The following GLCE variants were observed in gnomAD, a reference collection of about 807,000 sequenced individuals.
GLCE encodes D-glucuronyl C5-epimerase.
GLCE carries 19 observed loss-of-function variants against 47.9 expected under a neutral mutation model. The observed-to-expected ratio is 0.40, with a 90% CI of 0.28 to 0.58. The LOEUF is 0.58. GLCE is among the 20% of genes least tolerant of loss of function. GLCE has a pLI of 0.48. For synonymous variants in GLCE, 245 were observed against 263.4 expected, an observed-to-expected ratio of 0.93 and a Z score of 0.68; for missense variants, 556 against 743.3, an observed-to-expected ratio of 0.75 and a Z score of 2.93.
intron 3 of GLCE, among the ~76,000 whole-genome samples, chr15:69,258,592 T>C (rs766752644): frequency 1.1e-4 from 16 of 152,162 alleles, no homozygotes; most frequent in Non-Finnish European, 2.2e-4. Context: ...TTATATTTAA[T>C]TTTTGTGGGT....
intron 1 of GLCE, among the ~76,000 whole-genome samples, chr15:69,192,697 A>G (rs1165992403): frequency 2.6e-5 from 4 of 152,082 alleles, no homozygotes; most frequent in Non-Finnish European, 5.9e-5. Flanking sequence ...ACTGTTACTT[A>G]CAGATAAGTT....
chr15:69,168,876 AATAT>A (rs2051544005), intron 1 of GLCE, among the ~76,000 whole-genome samples: 1 of 152,164 alleles, frequency 6.6e-6, no homozygotes, highest in East Asian at 1.9e-4. Flanking sequence ...TCGAAGAAAA[AATAT>A]ATACAATAAA....
intron 1 of GLCE, among the ~76,000 whole-genome samples, chr15:69,186,947 T>C (rs773441592): frequency 7.2e-5 from 11 of 152,188 alleles, no homozygotes; most frequent in Non-Finnish European, 1.5e-4. Flanking sequence ...TTGGTTGTTA[T>C]TACCAAAAGA....
chr15:69,260,949 A>G (rs1204382745), intron 3 of GLCE, 138 bp from the exon 4 acceptor site: 6 of 705,128 alleles, frequency 8.5e-6, no homozygotes, highest in African/African-American at 3.6e-5. Context: ...GGTCATTATG[A>G]GAGCAGTATT....
At chr15:69,172,329 T>C (rs79099679) in intron 1 of GLCE, among the ~76,000 whole-genome samples, 1,756 of 152,322 alleles carry the variant, frequency 0.012, 27 homozygotes, top group African/African-American at 0.038. Flanking sequence ...AAGAAGGCAC[T>C]GATCACTAGG....
intron 1 of GLCE, among the ~76,000 whole-genome samples, chr15:69,209,231 C>G (rs1323738989): frequency 1.3e-5 from 2 of 151,690 alleles, no homozygotes; most frequent in African/African-American, 2.4e-5. Context: ...TCTTTAATAT[C>G]TTAGATAATT....
chr15:69,201,295 A>G (rs1276378777), intron 1 of GLCE, among the ~76,000 whole-genome samples: 11 of 152,062 alleles, frequency 7.2e-5, no homozygotes, highest in African/African-American at 2.2e-4. Flanking sequence ...TCTGCCTGTC[A>G]AAGAGGGCTA....
rs191340509 is a variant in GLCE, at chr15:69,172,678, A to G, written c.-105+11921A>G. Among the ~76,000 whole-genome samples, 446 of 152,322 alleles carry G rather than the reference A, an allele frequency of 2.9e-3. 5 individuals are homozygous for G. The highest frequency in any genetic ancestry group is 9.8e-3 in the African/African-American group (408 of 41,576). ...GGTAGGTGGATTAGTAATTGCTTAA[A>G]TGGCCATATCCAGAGCTTGATGATT... On this transcript the variant is annotated intron_variant, in intron 1 of 4. Coordinates refer to ENST00000261858, the MANE Select transcript of GLCE (RefSeq NM_015554.3).
intron 1 of GLCE, among the ~76,000 whole-genome samples, chr15:69,186,943 G>A (rs1018997892): frequency 6.6e-6 from 1 of 151,956 alleles, no homozygotes; most frequent in Non-Finnish European, 1.5e-5. Context: ...AAGTTTGGTT[G>A]TTATTACCAA....
chr15:69,171,322 C>A (rs1349766811), intron 1 of GLCE, among the ~76,000 whole-genome samples: 1 of 151,632 alleles, frequency 6.6e-6, no homozygotes, highest in Admixed American at 6.6e-5. Flanking sequence ...GTTTGAGCAA[C>A]AAGAGTCAGA....
At chr15:69,196,478 G>A (rs1009904884) in intron 1 of GLCE, 2 of 171,412 alleles carry the variant, frequency 1.2e-5, no homozygotes, top group African/African-American at 4.8e-5. Flanking sequence ...GTTCAAAATG[G>A]GTCATAAAGC....
intron 1 of GLCE, among the ~76,000 whole-genome samples, chr15:69,169,843 G>A (rs543025393): frequency 6.6e-5 from 10 of 151,988 alleles, no homozygotes; most frequent in South Asian, 2.1e-4. Context: ...GAATAGTGCC[G>A]CAATAAACAT....
rs1391833478 is a variant in GLCE, at chr15:69,271,751, A to G, written c.*2507A>G. On this transcript the variant is annotated 3_prime_UTR_variant, in exon 5 of 5. Coordinates refer to ENST00000261858, the MANE Select transcript of GLCE (RefSeq NM_015554.3). ...AAAACCAGCCAAAAGTTTCTGGATGAAGGTCAAGTTTGACCTTTTAGGAGT... is the reference window on the plus strand; with the variant it reads ...AAAACCAGCCAAAAGTTTCTGGATGGAGGTCAAGTTTGACCTTTTAGGAGT... The G allele has an allele frequency of 1.3e-5, 2 of 152,582 alleles. No homozygotes were observed. Among genetic ancestry groups the G allele is most frequent in the African/African-American group, 2.4e-5 (1 of 41,450 alleles). The allele number at this position is 152,582 out of a possible 1,614,324, so 9.5% of individuals were successfully genotyped here. A position where few individuals can be genotyped will look rare whatever the true frequency, so the allele number is the denominator to read the frequency against.
chr15:69,196,788 A>C (rs568396731), intron 1 of GLCE: 1 of 164,878 alleles, frequency 6.1e-6, no homozygotes, highest in Non-Finnish European at 1.3e-5. Flanking sequence ...AGCTGACTGA[A>C]AATAAAAACA....
At chr15:69,185,966 C>T (rs2051816603) in intron 1 of GLCE, among the ~76,000 whole-genome samples, 1 of 152,028 alleles carries the variant, frequency 6.6e-6, no homozygotes, top group African/African-American at 2.4e-5. Context: ...TGGAGTGGTG[C>T]ACAGAACTCA....
At position 69,269,281 on chromosome 15, in the gene GLCE, A is replaced by T; in HGVS notation, c.*37A>T. On this transcript the variant is annotated 3_prime_UTR_variant, in exon 5 of 5. Coordinates refer to ENST00000261858, the MANE Select transcript of GLCE (RefSeq NM_015554.3). ...AAAACTGCACTTCAGCCTCTGCTGTACACAGAAACTACAGGCTCTGTCTCA... is the reference window on the plus strand; with the variant it reads ...AAAACTGCACTTCAGCCTCTGCTGTTCACAGAAACTACAGGCTCTGTCTCA... 1 of 1,531,112 alleles carries T rather than the reference A, an allele frequency of 6.5e-7. No homozygotes were observed. The highest frequency in any genetic ancestry group is 9.0e-7 in the Non-Finnish European group (1 of 1,109,910). 94.8% of individuals were successfully genotyped at this position (1,531,112 alleles called of 1,614,324 possible). A position where few individuals can be genotyped will look rare whatever the true frequency, so the allele number is the denominator to read the frequency against.
chr15:69,268,418 C>T lies in GLCE; in HGVS notation c.1028C>T (p.Pro343Leu), dbSNP rs779214324. The T allele has an allele frequency of 7.4e-6, 12 of 1,613,792 alleles. No individual in the cohort carries two copies. The highest frequency in any genetic ancestry group is 9.3e-6 in the Non-Finnish European group (11 of 1,179,886). Residue 343 changes from proline (P) to leucine (L), a missense_variant, in exon 5 of 5, where the codon CCC becomes CTC. Physicochemically the swap from Pro to Leu is moderately conservative, Grantham distance 98. Coordinates refer to ENST00000261858, the MANE Select transcript of GLCE (RefSeq NM_015554.3). ...AGAGATATATACTATGGCATTGGGC[C>T]CAGAACTTCATGGAGCACAGTTACC... ...KERDIYYGIGPRTSWSTVTRD... is the reference protein window; with the variant it reads ...KERDIYYGIGLRTSWSTVTRD...
intron 2 of GLCE, among the ~76,000 whole-genome samples, chr15:69,234,601 C>T (rs59550794): frequency 6.6e-6 from 1 of 152,080 alleles, no homozygotes; most frequent in African/African-American, 2.4e-5. Flanking sequence ...GCTTCACCAC[C>T]TTATTTTTTT....
intron 2 of GLCE, among the ~76,000 whole-genome samples, chr15:69,236,391 G>A (rs1315773928): frequency 6.6e-6 from 1 of 152,158 alleles, no homozygotes; most frequent in Admixed American, 6.5e-5. Flanking sequence ...AGATGAATTT[G>A]TTGATTGCTT....
Sources: gnomAD v4.1 joint callset for allele counts (sites outside exome capture counted in the v4.1 genomes callset) on GRCh38, gnomAD v4.1.1 for gene constraint, MANE v1.5 for transcripts, NCBI Gene and HGNC (gene_info 2026-07-23, HGNC 2026-07-21) for gene names.